Variants in CACNA2D1 observed in about 807,000 individuals in gnomAD.
The protein encoded by CACNA2D1 is voltage-dependent calcium channel subunit alpha-2/delta-1.
Under a neutral mutation model 171.5 loss-of-function variants are expected in CACNA2D1, and 53 were observed. The ratio of observed to expected loss-of-function variants is 0.31; its 90% CI spans 0.25 to 0.39. CACNA2D1 has a LOEUF of 0.39. Ranked by LOEUF, CACNA2D1 falls within the 10% of genes least tolerant of loss-of-function variation. The probability of loss-of-function intolerance (pLI) is 1.00; values close to 1 mark genes in which losing one functional copy is unlikely to be tolerated. For synonymous variants in CACNA2D1, 442 were observed against 443.1 expected (o/e 1.00, Z 0.03); for missense variants, 903 against 1,299.8 (o/e 0.69, Z 4.69).
At chr7:82,079,666 T>C (rs1169958284) in intron 7 of CACNA2D1, among the ~76,000 whole-genome samples, 1 of 144,838 alleles carries the variant, frequency 6.9e-6, no homozygotes, top group Non-Finnish European at 1.5e-5. Context: ...CACTCCAGCC[T>C]AGGTAACAAA....
At chr7:82,415,269 C>T (rs566174470) in intron 1 of CACNA2D1, among the ~76,000 whole-genome samples, 2 of 152,274 alleles carry the variant, frequency 1.3e-5, no homozygotes, top group African/African-American at 2.4e-5. Context: ...CATGGTGGCT[C>T]ACATCTGTAA....
rs181058873 is a variant in CACNA2D1, at chr7:82,113,773, T to C, written c.526+3271A>G. On this transcript the variant is annotated intron_variant, in intron 6 of 38. Transcript: ENST00000356860. ...TGAAGAATACTGGTAATTATTAAAT[T>C]TTCCAGATCTTGTGGACATTTCTGA... 1.5e-3 allele frequency among the ~76,000 whole-genome samples: 234 copies of C among 152,320 alleles called. 3 individuals carry two copies. The highest frequency in any genetic ancestry group is 0.015 in the East Asian group (77 of 5,186).
At chr7:82,358,375 AC>A (rs1213117522) in intron 1 of CACNA2D1, among the ~76,000 whole-genome samples, 1 of 152,212 alleles carries the variant, frequency 6.6e-6, no homozygotes, top group African/African-American at 2.4e-5. Context: ...CTTGTTATCT[AC>A]ATTAAATCGT....
chr7:82,170,475 AT>A (rs1319024620), intron 4 of CACNA2D1, 74 bp downstream of exon 4: 4 of 986,880 alleles, frequency 4.1e-6, no homozygotes, highest in Admixed American at 3.4e-5. Context: ...ATTAAAATAT[AT>A]TTTAATATGC....
intron 5 of CACNA2D1, among the ~76,000 whole-genome samples, chr7:82,123,068 G>T (rs1271813401): frequency 6.6e-6 from 1 of 152,138 alleles, no homozygotes; most frequent in Non-Finnish European, 1.5e-5. Context: ...GGGAACCCAT[G>T]TTTAAACCAT....
chr7:82,084,631 G>T, intron 7 of CACNA2D1, 138 bp downstream of exon 7: 1 of 1,012,124 alleles, frequency 9.9e-7, no homozygotes, highest in Non-Finnish European at 1.5e-6. Flanking sequence ...CCAAAGCCAT[G>T]TAAAGAGGAA....
intron 7 of CACNA2D1, among the ~76,000 whole-genome samples, chr7:82,077,791 G>T (rs1809183060): frequency 6.7e-6 from 1 of 149,444 alleles, no homozygotes; most frequent in Non-Finnish European, 1.5e-5. Flanking sequence ...CATTTTTAGA[G>T]AAAACCAAAA....
chr7:81,975,264 T>G (rs1584252538), intron 24 of CACNA2D1, among the ~76,000 whole-genome samples: 1 of 152,208 alleles, frequency 6.6e-6, no homozygotes, highest in East Asian at 1.9e-4. Flanking sequence ...AAATAAAAAT[T>G]TAGACAATAA....
chr7:82,150,270 C>A (rs6944851), intron 4 of CACNA2D1, among the ~76,000 whole-genome samples: 26,404 of 70,918 alleles, frequency 0.37, 4,622 homozygotes, highest in Non-Finnish European at 0.43. Flanking sequence ...AAAAAAAAAA[C>A]AAAAACAACA....
intron 1 of CACNA2D1, among the ~76,000 whole-genome samples, chr7:82,374,812 A>G (rs1449623534): frequency 6.7e-6 from 1 of 149,046 alleles, no homozygotes; most frequent in Non-Finnish European, 1.5e-5. Context: ...AAAGACTACA[A>G]AAGAATTCTT....
intron 7 of CACNA2D1, among the ~76,000 whole-genome samples, chr7:82,083,392 G>A (rs1385708542): frequency 1.1e-4 from 16 of 151,506 alleles, no homozygotes; most frequent in Admixed American, 7.2e-4. Context: ...TTTATTATGC[G>A]CATGAGCAGT....
chr7:82,431,376 G>A (rs897958719), intron 1 of CACNA2D1, among the ~76,000 whole-genome samples: 1 of 152,064 alleles, frequency 6.6e-6, no homozygotes, highest in Non-Finnish European at 1.5e-5. Flanking sequence ...AGTTCCCCAC[G>A]CATTCTTTCA....
chr7:82,290,721 C>T (rs1486725094), intron 3 of CACNA2D1, among the ~76,000 whole-genome samples: 2 of 151,516 alleles, frequency 1.3e-5, no homozygotes, highest in Non-Finnish European at 2.9e-5. Context: ...CTCAGCCTCC[C>T]GAGCAGCTGG....
chr7:82,084,526 T>A (rs928515947), intron 7 of CACNA2D1, among the ~76,000 whole-genome samples: 1 of 152,190 alleles, frequency 6.6e-6, no homozygotes, highest in Non-Finnish European at 1.5e-5. Flanking sequence ...TAAGGATACC[T>A]GCTCATGGTC....
chr7:82,051,689 C>T (rs1476922390), intron 10 of CACNA2D1, among the ~76,000 whole-genome samples: 1 of 152,162 alleles, frequency 6.6e-6, no homozygotes, highest in Non-Finnish European at 1.5e-5. Flanking sequence ...TTCCCATCAT[C>T]CTCCACTGGC....
chr7:82,314,540 G>T (rs914962734), intron 3 of CACNA2D1, among the ~76,000 whole-genome samples: 6 of 152,164 alleles, frequency 3.9e-5, no homozygotes, highest in Non-Finnish European at 8.8e-5. Context: ...TATAACATTA[G>T]TGAGGTGTGC....
chr7:82,256,186 C>T (rs146079040), intron 3 of CACNA2D1, among the ~76,000 whole-genome samples: 5 of 151,874 alleles, frequency 3.3e-5, no homozygotes, highest in East Asian at 3.9e-4. Context: ...TGGGGCGTGG[C>T]GGGAGGCTGA....
At chr7:82,092,034 C>A (rs548910152) in intron 6 of CACNA2D1, among the ~76,000 whole-genome samples, 1 of 152,158 alleles carries the variant, frequency 6.6e-6, no homozygotes, top group East Asian at 1.9e-4. Flanking sequence ...CTGTACGGTG[C>A]ACATCTCCCT....
At chr7:82,117,821 A>G (rs1789258472) in intron 5 of CACNA2D1, among the ~76,000 whole-genome samples, 1 of 152,108 alleles carries the variant, frequency 6.6e-6, no homozygotes, top group Admixed American at 6.6e-5. Context: ...ATAAAATAAT[A>G]AGAAACTAGA....
Sources: gnomAD v4.1 joint callset for allele counts (sites outside exome capture counted in the v4.1 genomes callset) on GRCh38, gnomAD v4.1.1 for gene constraint, MANE v1.5 for transcripts, NCBI Gene and HGNC (gene_info 2026-07-23, HGNC 2026-07-21) for gene names.